Variants in CPNE4 observed in about 807,000 individuals in gnomAD.
CPNE4 encodes copine-4.
Under a neutral mutation model 67.9 loss-of-function variants are expected in CPNE4, and 25 were observed. That is an observed-to-expected ratio of 0.37 (90% CI 0.27 to 0.51). CPNE4 has a LOEUF of 0.51. Among genes scored for constraint, CPNE4 ranks in the 20% least tolerant of loss-of-function variants. The pLI is 0.93. For missense variants in CPNE4, 464 were observed against 690.8 expected (o/e 0.67, Z 3.68); for synonymous variants, 242 against 244.9 (o/e 0.99, Z 0.11).
At chr3:131,918,547 T>C (rs1336163884) in intron 1 of CPNE4, among the ~76,000 whole-genome samples, 1 of 152,120 alleles carries the variant, frequency 6.6e-6, no homozygotes, top group Non-Finnish European at 1.5e-5. Flanking sequence ...ACTCAGAAGC[T>C]GACAATCATA....
intron 2 of CPNE4, among the ~76,000 whole-genome samples, chr3:131,801,421 T>TATGA (rs2084116240): frequency 2.3e-5 from 1 of 42,870 alleles, no homozygotes; most frequent in Non-Finnish European, 4.9e-5. Context: ...TATACGTGTG[T>TATGA]GTGTGTGTGT....
At chr3:131,756,769 C>T (rs1407147724) in intron 2 of CPNE4, among the ~76,000 whole-genome samples, 1 of 152,136 alleles carries the variant, frequency 6.6e-6, no homozygotes, top group Admixed American at 6.5e-5. Context: ...TGCACCTCGC[C>T]CAAATCTCAA....
chr3:131,725,091 C>T (rs2081972209), intron 2 of CPNE4, among the ~76,000 whole-genome samples: 1 of 152,166 alleles, frequency 6.6e-6, no homozygotes, highest in South Asian at 2.1e-4. Context: ...TTTGTTAGCA[C>T]AAACTATGAA....
At chr3:132,000,027 T>C (rs2107661214) in intron 1 of CPNE4, among the ~76,000 whole-genome samples, 1 of 143,318 alleles carries the variant, frequency 7.0e-6, no homozygotes, top group South Asian at 2.4e-4. Context: ...GTACATCTAC[T>C]GTGCCCCTAT....
At chr3:131,744,445 C>A (rs190160558) in intron 2 of CPNE4, among the ~76,000 whole-genome samples, 12 of 152,140 alleles carry the variant, frequency 7.9e-5, no homozygotes, top group African/African-American at 2.7e-4. Context: ...CCCCTTGTAC[C>A]CTTTATTCAG....
intron 3 of CPNE4, among the ~76,000 whole-genome samples, chr3:131,711,407 G>A (rs1023033241): frequency 2.6e-5 from 4 of 152,172 alleles, no homozygotes; most frequent in African/African-American, 9.7e-5. Context: ...AATCTCAGTG[G>A]GGAGAGAGAA....
intron 1 of CPNE4, among the ~76,000 whole-genome samples, chr3:131,946,540 A>G (rs1459702609): frequency 1.3e-5 from 2 of 152,082 alleles, no homozygotes; most frequent in Non-Finnish European, 2.9e-5. Context: ...CTTTGTCTGT[A>G]TTCTTTGAAG....
At chr3:131,930,011 T>G (rs1245468474) in intron 1 of CPNE4, among the ~76,000 whole-genome samples, 1 of 152,116 alleles carries the variant, frequency 6.6e-6, no homozygotes, top group Non-Finnish European at 1.5e-5. Context: ...CTGTGGAGAT[T>G]TTACAAGTAG....
At chr3:131,997,690 A>G (rs1370741683) in intron 1 of CPNE4, among the ~76,000 whole-genome samples, 1 of 152,094 alleles carries the variant, frequency 6.6e-6, no homozygotes, top group Non-Finnish European at 1.5e-5. Flanking sequence ...TATGGAGAAC[A>G]TTTTTATAGG....
At chr3:131,872,037 G>T (rs191600967) in intron 2 of CPNE4, among the ~76,000 whole-genome samples, 1 of 152,126 alleles carries the variant, frequency 6.6e-6, no homozygotes, top group South Asian at 2.1e-4. Context: ...TGAGATCCTT[G>T]TTCCCCTACC....
chr3:131,856,376 C>T (rs1408187630), intron 2 of CPNE4, among the ~76,000 whole-genome samples: 1 of 151,802 alleles, frequency 6.6e-6, no homozygotes, highest in Non-Finnish European at 1.5e-5. Flanking sequence ...GTCATCATAC[C>T]TGTAATCTGG....
intron 7 of CPNE4, among the ~76,000 whole-genome samples, chr3:131,602,542 C>A (rs1387999321): frequency 6.6e-6 from 1 of 152,114 alleles, no homozygotes; most frequent in African/African-American, 2.4e-5. Context: ...CTCTTGGAAG[C>A]TTTCATTGGA....
At chr3:131,540,978 G>T (rs1045006387) in intron 15 of CPNE4, among the ~76,000 whole-genome samples, 1 of 152,166 alleles carries the variant, frequency 6.6e-6, no homozygotes, top group Non-Finnish European at 1.5e-5. Context: ...GGTACTGAAG[G>T]TTCTGAAGAT....
intron 2 of CPNE4, among the ~76,000 whole-genome samples, chr3:131,825,377 C>G (rs1447551716): frequency 1.3e-5 from 2 of 151,812 alleles, no homozygotes; most frequent in Non-Finnish European, 2.9e-5. Flanking sequence ...GTCTGTAATT[C>G]CAGTTACTCA....
At chr3:131,715,455 T>G (rs1195328014) in intron 3 of CPNE4, among the ~76,000 whole-genome samples, 1 of 152,218 alleles carries the variant, frequency 6.6e-6, no homozygotes, top group African/African-American at 2.4e-5. Context: ...TTAGAATAGA[T>G]GGAAAAGATT....
chr3:131,960,749 C>T (rs1005447607), intron 1 of CPNE4, among the ~76,000 whole-genome samples: 2 of 152,114 alleles, frequency 1.3e-5, no homozygotes, highest in African/African-American at 4.8e-5. Flanking sequence ...ATGCAGTTTC[C>T]ACATCCTGAT....
At chr3:132,005,344 C>CATATATATAT (rs1560773098) in intron 1 of CPNE4, among the ~76,000 whole-genome samples, 5 of 13,056 alleles carry the variant, frequency 3.8e-4, no homozygotes, top group East Asian at 3.8e-3. Context: ...TATATATATA[C>CATATATATAT]ACACACACAC....
At chr3:131,989,049 T>C (rs1560744946) in intron 1 of CPNE4, among the ~76,000 whole-genome samples, 1 of 152,366 alleles carries the variant, frequency 6.6e-6, no homozygotes, top group Admixed American at 6.5e-5. Flanking sequence ...TATAATTGTG[T>C]GCACTGCTGT....
intron 2 of CPNE4, among the ~76,000 whole-genome samples, chr3:131,758,525 A>G (rs1023487555): frequency 3.9e-5 from 6 of 152,034 alleles, no homozygotes; most frequent in African/African-American, 1.5e-4. Context: ...GGCGGAAGGG[A>G]CTTGCTTTGT....
Sources: allele counts gnomAD v4.1 joint callset (sites outside exome capture counted in the v4.1 genomes callset), GRCh38; gene constraint gnomAD v4.1.1; transcripts MANE v1.5; gene names NCBI Gene and HGNC (gene_info 2026-07-23, HGNC 2026-07-21).